FHAD1: variants seen among roughly 807,000 people sequenced by gnomAD.
FHAD1 encodes forkhead associated phosphopeptide binding domain 1.
Under a neutral mutation model 191.3 loss-of-function variants are expected in FHAD1, and 146 were observed. The ratio of observed to expected loss-of-function variants is 0.76; its 90% CI spans 0.67 to 0.88. FHAD1 has a LOEUF of 0.88. FHAD1 is among the 40% of genes least tolerant of loss of function. FHAD1 has a pLI of 0.00. For synonymous variants in FHAD1, 616 were observed against 672.3 expected (o/e 0.92, Z 1.29); for missense variants, 1,635 against 1,785.8 (o/e 0.92, Z 1.52).
At chr1:15,365,377 C>T (rs1296572149) in intron 23 of FHAD1, among the ~76,000 whole-genome samples, 1 of 151,816 alleles carries the variant, frequency 6.6e-6, no homozygotes, top group Non-Finnish European at 1.5e-5. Flanking sequence ...CTTGCTCTGC[C>T]ACCCAGGCTG....
At chr1:15,376,951 A>C (rs1699811501) in intron 28 of FHAD1, among the ~76,000 whole-genome samples, 2 of 152,208 alleles carry the variant, frequency 1.3e-5, no homozygotes, top group Admixed American at 1.3e-4. Context: ...TGACATGGGA[A>C]GATCACTTGA....
rs544305233 is a variant in FHAD1 at position 15,322,024 on chromosome 1, A to G, written c.1366-2428A>G. ...TAACCTATAACCTAACTATTGCACCATTGTATAATCTTTTTGTATTCTGGA... is the reference window on the plus strand; with the variant it reads ...TAACCTATAACCTAACTATTGCACCGTTGTATAATCTTTTTGTATTCTGGA... On this transcript the variant is annotated intron_variant, in intron 10 of 33. Transcript: ENST00000688493. Among the ~76,000 whole-genome samples the G allele has an allele frequency of 3.9e-5, 6 of 152,344 alleles. No individual in the cohort carries two copies. In the South Asian group the frequency reaches 1.2e-3, roughly 32 times the overall value.
intron 3 of FHAD1, among the ~76,000 whole-genome samples, chr1:15,280,236 TC>T (rs1297576963): frequency 6.6e-6 from 1 of 152,090 alleles, no homozygotes; most frequent in Non-Finnish European, 1.5e-5. Flanking sequence ...ATGGCACACT[TC>T]AGAAGAAACG....
intron 21 of FHAD1, 114 bp downstream of exon 21, chr1:15,358,397 T>C: frequency 9.7e-7 from 1 of 1,029,436 alleles, no homozygotes; most frequent in South Asian, 1.6e-5. Context: ...GCTGATGTTC[T>C]GGGCCAAGTA....
intron 33 of FHAD1, among the ~76,000 whole-genome samples, chr1:15,391,995 G>A (rs1156443020): frequency 6.6e-6 from 1 of 152,230 alleles, no homozygotes; most frequent in African/African-American, 2.4e-5. Flanking sequence ...GAATGACATG[G>A]AGATGTAAAA....
chr1:15,362,835 A>G (rs1268824983), intron 23 of FHAD1, 109 bp downstream of exon 23: 2 of 814,798 alleles, frequency 2.5e-6, no homozygotes, highest in South Asian at 1.5e-5. Flanking sequence ...AAGCCAAACA[A>G]GGAGCCGGGC....
intron 4 of FHAD1, among the ~76,000 whole-genome samples, chr1:15,295,997 A>G (rs1211432287): frequency 6.6e-6 from 1 of 152,226 alleles, no homozygotes; most frequent in African/African-American, 2.4e-5. Context: ...CCTTTATGAT[A>G]GAGACTATTC....
At chr1:15,293,610 C>T (rs1258051896) in intron 4 of FHAD1, among the ~76,000 whole-genome samples, 10 of 152,094 alleles carry the variant, frequency 6.6e-5, no homozygotes, top group Non-Finnish European at 1.3e-4. Flanking sequence ...CCCAGCTACT[C>T]AGGAGGCTGA....
chr1:15,364,996 C>G (rs560588921), intron 23 of FHAD1, among the ~76,000 whole-genome samples: 1 of 152,298 alleles, frequency 6.6e-6, no homozygotes, highest in South Asian at 2.1e-4. Context: ...TCACTGTCCC[C>G]CTGTTGCCTG....
intron 28 of FHAD1, among the ~76,000 whole-genome samples, chr1:15,377,132 G>A (rs934418356): frequency 1.3e-5 from 2 of 152,210 alleles, no homozygotes; most frequent in African/African-American, 4.8e-5. Flanking sequence ...CACAGGACCC[G>A]CCGAGGGCAC....
intron 22 of FHAD1, among the ~76,000 whole-genome samples, chr1:15,361,558 C>T (rs1694821501): frequency 6.6e-6 from 1 of 152,122 alleles, no homozygotes; most frequent in Non-Finnish European, 1.5e-5. Context: ...CATGTAGGCA[C>T]TCAGGATCCA....
intron 3 of FHAD1, among the ~76,000 whole-genome samples, chr1:15,274,628 T>C (rs1168869295): frequency 1.3e-5 from 2 of 150,976 alleles, no homozygotes; most frequent in Non-Finnish European, 2.9e-5. Context: ...AAAAAAAGAT[T>C]CTGTTTTGTA....
chr1:15,286,187 T>C (rs1181629316), intron 3 of FHAD1, among the ~76,000 whole-genome samples: 1 of 152,228 alleles, frequency 6.6e-6, no homozygotes, highest in Non-Finnish European at 1.5e-5. Flanking sequence ...TGGAGAATTT[T>C]GTTATGTATT....
chr1:15,394,001 C>T (rs1705100195), intron 33 of FHAD1, among the ~76,000 whole-genome samples: 1 of 152,138 alleles, frequency 6.6e-6, no homozygotes, highest in East Asian at 1.9e-4. Flanking sequence ...TTTCCTGAAG[C>T]AGACACCCCA....
chr1:15,375,348 C>T (rs767542826), intron 27 of FHAD1, among the ~76,000 whole-genome samples: 1 of 152,134 alleles, frequency 6.6e-6, no homozygotes, highest in Non-Finnish European at 1.5e-5. Context: ...GTCTTGGTTC[C>T]ATGGCTGAAG....
rs527907772 is a variant in FHAD1 at position 15,324,036 on chromosome 1, C to T, written c.1366-416C>T. Among the ~76,000 whole-genome samples, 4 of 152,338 alleles carry T rather than the reference C, an allele frequency of 2.6e-5. No individual in the cohort carries two copies. The South Asian group carries it at 8.3e-4, about 32-fold the overall frequency. ...ACCTGTTCTAGGTCACAACATCTAA[C>T]ACACTTATAGAGCCCTTACGAAGCG... On this transcript the variant is annotated intron_variant, in intron 10 of 33. Coordinates refer to ENST00000688493, the MANE Select transcript of FHAD1 (RefSeq NM_001391957.1).
chr1:15,323,918 A>G (rs1677264429), intron 10 of FHAD1, among the ~76,000 whole-genome samples: 1 of 152,184 alleles, frequency 6.6e-6, no homozygotes, highest in Admixed American at 6.5e-5. Context: ...AGTTACAATA[A>G]TAAACCCAGC....
At chr1:15,300,718 G>C (rs1668446464) in intron 5 of FHAD1, among the ~76,000 whole-genome samples, 1 of 152,184 alleles carries the variant, frequency 6.6e-6, no homozygotes, top group Non-Finnish European at 1.5e-5. Context: ...CTGTATGCAA[G>C]TAATCATTTT....
rs760242907 is a variant in FHAD1 at position 15,362,711 on chromosome 1, C to T, written c.3032C>T (p.Ala1011Val). The change falls in exon 23 of 34, where the codon GCG becomes GTG. Residue 1011 changes from alanine to valine, a missense_variant. Physicochemically the swap from Ala to Val is moderately conservative, Grantham distance 64. Coordinates refer to ENST00000688493, the MANE Select transcript of FHAD1 (RefSeq NM_001391957.1). ...PMTESSAKDM[A>V]YEHLIDDLLA... ...ACAGAGAGCAGTGCCAAAGACATGGCGTACGAACATCTGATGTGAGTACCC... is the reference window on the plus strand; with the variant it reads ...ACAGAGAGCAGTGCCAAAGACATGGTGTACGAACATCTGATGTGAGTACCC... 11 of 1,551,546 alleles carry T rather than the reference C, an allele frequency of 7.1e-6. No individual in the cohort carries two copies. Among genetic ancestry groups the T allele is most frequent in the South Asian group, 3.6e-5 (3 of 84,058 alleles).
Sources: allele counts gnomAD v4.1 joint callset (sites outside exome capture counted in the v4.1 genomes callset), GRCh38; gene constraint gnomAD v4.1.1; transcripts MANE v1.5; gene names NCBI Gene and HGNC (gene_info 2026-07-23, HGNC 2026-07-21).